The following LDLRAP1 variants were observed in gnomAD, a reference collection of about 807,000 sequenced individuals.
The protein encoded by LDLRAP1 is low density lipoprotein receptor adapter protein 1.
Under a neutral mutation model 37.8 loss-of-function variants are expected in LDLRAP1, and 30 were observed. The observed-to-expected ratio is 0.79, with a 90% CI of 0.59 to 1.08. The LOEUF (loss-of-function observed/expected upper bound fraction) is 1.08. Among genes scored for constraint, LDLRAP1 ranks in the 50% least tolerant of loss-of-function variants. The pLI, the probability that LDLRAP1 is intolerant of heterozygous loss-of-function variation, is 0.00. For missense variants in LDLRAP1, 375 were observed against 401.6 expected (o/e 0.93, Z 0.57); for synonymous variants, 156 against 169.8 (o/e 0.92, Z 0.63).
chr1:25,578,819 G>A, the LDLRAP1 span, among the ~76,000 whole-genome samples: 1 of 152,116 alleles, frequency 6.6e-6, no homozygotes, highest in Non-Finnish European at 1.5e-5. Context: ...TGCCTGGTGT[G>A]GGGCCATTTA....
At chr1:25,573,338 G>GT (rs2044630616), downstream of LDLRAP1, among the ~76,000 whole-genome samples, 1 of 152,236 alleles carries the variant, frequency 6.6e-6, no homozygotes, top group Non-Finnish European at 1.5e-5. Flanking sequence ...AAGGGATTTA[G>GT]TGAAGAGCAC....
In LDLRAP1 at chr1:25,563,647, C is replaced by A. The variant is rs146324847; in HGVS notation, c.617-14C>A. On this transcript the variant is annotated splice_polypyrimidine_tract_variant and intron_variant, in intron 6 of 8. Transcript: ENST00000374338. ...GCTGATCTCCCACTGACAACCTGAC[C>A]GGATCCCTCACAGTGGTCGCCACTG... The A allele has an allele frequency of 6.2e-7, 1 of 1,612,938 alleles. No homozygotes were observed. The highest frequency in any genetic ancestry group is 8.5e-7 in the Non-Finnish European group (1 of 1,179,974).
chr1:25,575,993 C>T, the LDLRAP1 span, among the ~76,000 whole-genome samples: 1 of 149,544 alleles, frequency 6.7e-6, no homozygotes, highest in Non-Finnish European at 1.5e-5. Flanking sequence ...CTTCGGGAGG[C>T]CAAGGTGAGC....
At position 25,566,976 on chromosome 1, in the gene LDLRAP1, A is replaced by T. The variant is rs770518343; in HGVS notation, c.911A>T (p.Asp304Val). 4 of 1,613,128 alleles carry T rather than the reference A, an allele frequency of 2.5e-6. No individual in the cohort carries two copies. The highest frequency in any genetic ancestry group is 3.4e-6 in the Non-Finnish European group (4 of 1,179,990). The change falls in exon 9 of 9, where the codon GAC becomes GTC. Residue 304 changes from aspartate (D) to valine (V), a missense_variant. Asp to Val is a radical substitution (Grantham distance 152). Coordinates refer to ENST00000374338, the MANE Select transcript of LDLRAP1 (RefSeq NM_015627.3). ...GACAGCAGCGGCACAGAGCAGGATG[A>T]CCTCTTCAGCTTCTGAGGGCCCGGG... ...KPDSSGTEQD[D>V]LFSF
chr1:25,582,975 G>A, the LDLRAP1 span, among the ~76,000 whole-genome samples: 2 of 151,654 alleles, frequency 1.3e-5, no homozygotes, highest in Non-Finnish European at 2.9e-5. Context: ...GGGATGCTGA[G>A]GCAGGAGAAT....
downstream of LDLRAP1, among the ~76,000 whole-genome samples, chr1:25,573,465 G>A (rs1220945564): frequency 6.6e-6 from 1 of 152,166 alleles, no homozygotes; most frequent in Non-Finnish European, 1.5e-5. Context: ...AGAGCTGGCC[G>A]GAAGCTGCTG....
Position 25,554,014 on chromosome 1 carries a change from C to T in LDLRAP1, c.181C>T (p.Pro61Ser). 2 of 1,614,068 alleles carry T rather than the reference C, an allele frequency of 1.2e-6. No individual in the cohort carries two copies. The highest frequency in any genetic ancestry group is 1.7e-6 in the Non-Finnish European group (2 of 1,180,014). ...CCTGGGCATGACGCTAGTGGAGCAGCCCAAGGGTGAGGAGCTGTCGGCCGC... is the reference window on the plus strand; with the variant it reads ...CCTGGGCATGACGCTAGTGGAGCAGTCCAAGGGTGAGGAGCTGTCGGCCGC... ...KYLGMTLVEQ[P>S]KGEELSAAAI... Residue 61 changes from proline (P) to serine (S), a missense_variant, in exon 2 of 9, where the codon CCC becomes TCC. Coordinates refer to ENST00000374338, the MANE Select transcript of LDLRAP1 (RefSeq NM_015627.3). The surrounding 1 kb of genome is among the most constrained non-coding windows in gnomAD (Gnocchi z 5.4).
chr1:25,570,320 T>C (rs2044586913), downstream of LDLRAP1, among the ~76,000 whole-genome samples: 1 of 152,222 alleles, frequency 6.6e-6, no homozygotes, highest in Non-Finnish European at 1.5e-5. Context: ...TGCTCTTTCA[T>C]GCATAAGGGA....
At chr1:25,574,875 G>A in the LDLRAP1 span, among the ~76,000 whole-genome samples, 1 of 152,146 alleles carries the variant, frequency 6.6e-6, no homozygotes, top group Non-Finnish European at 1.5e-5. Flanking sequence ...CAGCAGTGAG[G>A]GGTGTCTTTG....
At chr1:25,582,361 C>T in the LDLRAP1 span, among the ~76,000 whole-genome samples, 2 of 152,092 alleles carry the variant, frequency 1.3e-5, no homozygotes, top group Non-Finnish European at 1.5e-5. Context: ...CCAAGGCGGG[C>T]AGATCACTAG....
At position 25,563,165 on chromosome 1, in the gene LDLRAP1, CGGGGAA is replaced by C. The variant is rs1557709029; in HGVS notation, c.616+17_616+22del. 5 of 1,612,438 alleles carry C rather than the reference CGGGGAA, an allele frequency of 3.1e-6. No homozygotes were observed. The highest frequency in any genetic ancestry group is 4.2e-6 in the Non-Finnish European group (5 of 1,178,556). ...CTCCTTGAAGAGCTGTGAGTCCTGA[CGGGGAA>C]GGGGGATTGGCCATGCGGTGTTGGG... On this transcript the variant is annotated intron_variant, in intron 6 of 8. Coordinates refer to ENST00000374338, the MANE Select transcript of LDLRAP1 (RefSeq NM_015627.3).
intron 1 of LDLRAP1, among the ~76,000 whole-genome samples, chr1:25,553,145 A>G (rs1349428068): frequency 6.6e-6 from 1 of 151,950 alleles, no homozygotes; most frequent in Non-Finnish European, 1.5e-5. Context: ...AAAGCAGTGC[A>G]GGCTGGGGCC....
chr1:25,575,764 G>A, the LDLRAP1 span, among the ~76,000 whole-genome samples: 1 of 152,192 alleles, frequency 6.6e-6, no homozygotes, highest in Non-Finnish European at 1.5e-5. Flanking sequence ...TGGGCTAAGA[G>A]CTTTACACAA....
chr1:25,565,327 G>T, intron 8 of LDLRAP1, 120 bp downstream of exon 8: 1 of 1,095,442 alleles, frequency 9.1e-7, no homozygotes, highest in Non-Finnish European at 1.4e-6. Flanking sequence ...CCCCTCCAGA[G>T]CAACAGTCCC....
rs575925918 is a variant in LDLRAP1 at position 25,560,398 on chromosome 1, C to T, written c.460-2246C>T. On this transcript the variant is annotated intron_variant, in intron 4 of 8. Transcript: ENST00000374338. ...ACCAGTCCGTTCAACTCTGGGGCAGCACAGCCACCCCAGGTCTCCCCTCCC... is the reference window on the plus strand; with the variant it reads ...ACCAGTCCGTTCAACTCTGGGGCAGTACAGCCACCCCAGGTCTCCCCTCCC... Among the ~76,000 whole-genome samples the T allele has an allele frequency of 5.9e-5, 9 of 152,266 alleles. No individual in the cohort carries two copies. In the South Asian group the frequency reaches 1.9e-3, roughly 32 times the overall value.
chr1:25,582,402 C>T, the LDLRAP1 span, among the ~76,000 whole-genome samples: 1,237 of 152,064 alleles, frequency 8.1e-3, 14 homozygotes, highest in African/African-American at 0.026. Context: ...CTGGCGAACA[C>T]GGTGAAACCC....
chr1:25,543,872 T>G, intron 1 of LDLRAP1, 86 bp downstream of exon 1: 1 of 874,974 alleles, frequency 1.1e-6, no homozygotes, highest in East Asian at 3.9e-5. Context: ...GCGGCCAAGT[T>G]GGGCAGAGGC....
At chr1:25,553,878 G>A in intron 1 of LDLRAP1, 44 bp from the exon 2 acceptor site, 2 of 1,607,964 alleles carry the variant, frequency 1.2e-6, no homozygotes, top group Non-Finnish European at 1.7e-6. Context: ...CTGGTGGTGG[G>A]CCCTGAGCCG....
intron 4 of LDLRAP1, among the ~76,000 whole-genome samples, chr1:25,558,007 C>T (rs2044250591): frequency 1.3e-5 from 2 of 152,182 alleles, no homozygotes; most frequent in South Asian, 4.2e-4. Context: ...CTGGGGAGTT[C>T]AGAGCTCCTT....
Sources: allele counts gnomAD v4.1 joint callset (sites outside exome capture counted in the v4.1 genomes callset), GRCh38; gene constraint gnomAD v4.1.1; non-coding constraint Gnocchi (gnomAD v3.1); transcripts MANE v1.5; gene names NCBI Gene and HGNC (gene_info 2026-07-23, HGNC 2026-07-21).